Variants in SLC44A5 observed in about 807,000 individuals in gnomAD.
The protein encoded by SLC44A5 is solute carrier family 44 member 5.
Under a neutral mutation model 101.8 loss-of-function variants are expected in SLC44A5, and 57 were observed. The ratio of observed to expected loss-of-function variants is 0.56; its 90% CI spans 0.45 to 0.70. SLC44A5 has a LOEUF of 0.70. SLC44A5 is among the 30% of genes least tolerant of loss of function. SLC44A5 has a pLI of 0.00. For synonymous variants in SLC44A5, 281 were observed against 290.9 expected (o/e 0.97, Z 0.35); for missense variants, 737 against 853.1 (o/e 0.86, Z 1.70).
the SLC44A5 span, among the ~76,000 whole-genome samples, chr1:75,632,238 A>T: frequency 6.6e-6 from 1 of 152,160 alleles, no homozygotes; most frequent in Non-Finnish European, 1.5e-5. Context: ...TCTTCAGTAC[A>T]GACTTGAGCT....
At chr1:75,564,721 G>A (rs1672701523) in intron 1 of SLC44A5, among the ~76,000 whole-genome samples, 1 of 151,846 alleles carries the variant, frequency 6.6e-6, no homozygotes, top group Non-Finnish European at 1.5e-5. Context: ...CTGGGCTCAC[G>A]CCATTCTCCT....
At chr1:75,543,832 C>T (rs1210413339) in intron 1 of SLC44A5, among the ~76,000 whole-genome samples, 1 of 151,848 alleles carries the variant, frequency 6.6e-6, no homozygotes, top group African/African-American at 2.4e-5. Flanking sequence ...ACTGCAAGTT[C>T]ATCTTCCAGC....
chr1:75,240,616 AGTGCT>A (rs796858598), intron 9 of SLC44A5, among the ~76,000 whole-genome samples: 6 of 152,150 alleles, frequency 3.9e-5, no homozygotes, highest in African/African-American at 1.4e-4. Flanking sequence ...CTTCCTGGTA[AGTGCT>A]GTTGCTGTGG....
the SLC44A5 span, among the ~76,000 whole-genome samples, chr1:75,649,155 C>T: frequency 1.3e-5 from 2 of 152,000 alleles, no homozygotes; most frequent in African/African-American, 2.4e-5. Context: ...TGTTGATTAA[C>T]GACACAAAGG....
chr1:75,586,445 C>A (rs898853753), intron 1 of SLC44A5, among the ~76,000 whole-genome samples: 1 of 127,766 alleles, frequency 7.8e-6, no homozygotes, highest in Non-Finnish European at 1.7e-5. Context: ...AACCCTAATA[C>A]AATATTTAAG....
At chr1:75,354,669 G>A (rs1234124530) in intron 3 of SLC44A5, among the ~76,000 whole-genome samples, 1 of 152,148 alleles carries the variant, frequency 6.6e-6, no homozygotes, top group East Asian at 1.9e-4. Context: ...ACGACCTGGT[G>A]TTGGGTCTGA....
At position 75,325,756 on chromosome 1, in the gene SLC44A5, A is replaced by G. The variant is rs1656537335; in HGVS notation, c.101+13826T>C. ...CATCCACTGAGGGTCGTGTGCATGCATGCGTGTGTGTGTGTGTGTGTGTAG... is the reference window on the plus strand; with the variant it reads ...CATCCACTGAGGGTCGTGTGCATGCGTGCGTGTGTGTGTGTGTGTGTGTAG... On this transcript the variant is annotated intron_variant, in intron 4 of 23. Transcript: ENST00000370859. 6.5e-5 allele frequency among the ~76,000 whole-genome samples: 3 copies of G among 45,968 alleles called. No homozygotes were observed. The South Asian group carries it at 2.1e-3, about 33-fold the overall frequency. The allele number at this position is 45,968 out of a possible 152,430, so 30.2% of individuals were successfully genotyped here. A position where few individuals can be genotyped will look rare whatever the true frequency, so the allele number is the denominator to read the frequency against.
chr1:75,521,249 G>A (rs1670103538), intron 2 of SLC44A5, among the ~76,000 whole-genome samples: 1 of 152,142 alleles, frequency 6.6e-6, no homozygotes, highest in Admixed American at 6.5e-5. Flanking sequence ...TTCACAGATG[G>A]ACTAGTTTAA....
At chr1:75,719,275 G>A in the SLC44A5 span, among the ~76,000 whole-genome samples, 8 of 152,140 alleles carry the variant, frequency 5.3e-5, no homozygotes, top group African/African-American at 1.9e-4. Flanking sequence ...TGCTTCTGGC[G>A]TTGAGGCTTT....
At chr1:75,314,566 C>G (rs1051337677) in intron 4 of SLC44A5, among the ~76,000 whole-genome samples, 1 of 152,042 alleles carries the variant, frequency 6.6e-6, no homozygotes, top group African/African-American at 2.4e-5. Context: ...AGGTGAGATA[C>G]AACTTAAAGA....
chr1:75,493,802 A>G (rs10874314), intron 2 of SLC44A5, among the ~76,000 whole-genome samples: 88,355 of 151,956 alleles, frequency 0.58, 27,256 homozygotes, highest in East Asian at 0.94. Flanking sequence ...CAAATAAACA[A>G]CTACACATGG....
intron 3 of SLC44A5, 50 bp downstream of exon 3, chr1:75,396,533 T>C (rs746637236): frequency 3.6e-6 from 5 of 1,399,146 alleles, no homozygotes; most frequent in Non-Finnish European, 5.1e-6. Context: ...TCTCAATGGA[T>C]AGACTGTCAT....
At chr1:75,394,694 C>T (rs1662016123) in intron 3 of SLC44A5, among the ~76,000 whole-genome samples, 2 of 152,112 alleles carry the variant, frequency 1.3e-5, no homozygotes, top group African/African-American at 4.8e-5. Context: ...CACTCCAGTT[C>T]TCCCAAGCTT....
chr1:75,352,198 T>TC (rs957313804), intron 3 of SLC44A5, among the ~76,000 whole-genome samples: 3 of 152,160 alleles, frequency 2.0e-5, no homozygotes, highest in Non-Finnish European at 4.4e-5. Flanking sequence ...CTCTTTTTTT[T>TC]CTTCAACTTT....
chr1:75,715,643 A>G, the SLC44A5 span, among the ~76,000 whole-genome samples: 1 of 152,208 alleles, frequency 6.6e-6, no homozygotes, highest in Non-Finnish European at 1.5e-5. Flanking sequence ...ACAAAAATTA[A>G]CTTAAGGTGG....
intron 3 of SLC44A5, among the ~76,000 whole-genome samples, chr1:75,356,483 G>A (rs979363707): frequency 6.6e-6 from 1 of 151,760 alleles, no homozygotes; most frequent in African/African-American, 2.4e-5. Flanking sequence ...AAATTTTTTT[G>A]TACAGCTATT....
At chr1:75,271,381 C>T (rs537665304) in intron 6 of SLC44A5, among the ~76,000 whole-genome samples, 13 of 151,788 alleles carry the variant, frequency 8.6e-5, no homozygotes, top group South Asian at 4.2e-4. Flanking sequence ...GAGATTTTAG[C>T]GCACCCATCT....
At chr1:75,316,776 T>C (rs572559884) in intron 4 of SLC44A5, among the ~76,000 whole-genome samples, 2 of 152,342 alleles carry the variant, frequency 1.3e-5, no homozygotes, top group Non-Finnish European at 2.9e-5. Context: ...CTTTGCTTCT[T>C]ACTGGGTAAT....
At chr1:75,388,191 C>T (rs1201134591) in intron 3 of SLC44A5, among the ~76,000 whole-genome samples, 1 of 114,518 alleles carries the variant, frequency 8.7e-6, no homozygotes, top group African/African-American at 3.5e-5. Flanking sequence ...TGCACATGTA[C>T]CCTAAAACTT....
Sources: gnomAD v4.1 joint callset for allele counts (sites outside exome capture counted in the v4.1 genomes callset) on GRCh38, gnomAD v4.1.1 for gene constraint, MANE v1.5 for transcripts, NCBI Gene and HGNC (gene_info 2026-07-23, HGNC 2026-07-21) for gene names.